Variants in ST13 observed in about 807,000 individuals in gnomAD.
ST13 encodes the protein hsc70-interacting protein.
A neutral mutation model predicts 56.7 loss-of-function variants in ST13; 23 were observed. The ratio of observed to expected loss-of-function variants is 0.41; its 90% CI spans 0.29 to 0.57. ST13 has a LOEUF of 0.57. Among genes scored for constraint, ST13 ranks in the 20% least tolerant of loss-of-function variants. The probability of loss-of-function intolerance (pLI) is 0.36; values close to 1 mark genes in which losing one functional copy is unlikely to be tolerated. For missense variants in ST13, 369 were observed against 459.9 expected (o/e 0.80, Z 1.81); for synonymous variants, 132 against 142.4 (o/e 0.93, Z 0.52).
At chr22:40,851,453 A>G (rs1212060032) in intron 1 of ST13, among the ~76,000 whole-genome samples, 1 of 152,096 alleles carries the variant, frequency 6.6e-6, no homozygotes, top group Non-Finnish European at 1.5e-5. Context: ...CTTCCTCCTG[A>G]CCCTACAAAC....
In ST13 at chr22:40,825,635, G is replaced by A. The variant is rs1177024260; in HGVS notation, c.*903C>T. The A allele has an allele frequency of 6.6e-6, 1 of 152,086 alleles. No individual in the cohort carries two copies. The highest frequency in any genetic ancestry group is 1.5e-5 in the Non-Finnish European group (1 of 68,032). The allele number at this position is 152,086 out of a possible 1,614,324, so 9.4% of individuals were successfully genotyped here. A position where few individuals can be genotyped will look rare whatever the true frequency, so the allele number is the denominator to read the frequency against. On this transcript the variant is annotated 3_prime_UTR_variant, in exon 12 of 12. Transcript: ENST00000216218. ...AATTACGCTGTTAATGATGATAGCA[G>A]TGATGATGCCGGTGGAAAAAGCCTG...
Position 40,856,591 on chromosome 22 carries a change from CCAGGCG to C in ST13, c.-57_-52del. 1 of 1,515,044 alleles carries C rather than the reference CCAGGCG, an allele frequency of 6.6e-7. No individual in the cohort carries two copies. The highest frequency in any genetic ancestry group is 9.1e-7 in the Non-Finnish European group (1 of 1,093,290). 93.9% of individuals were successfully genotyped at this position (1,515,044 alleles called of 1,614,324 possible). The stretch of plus-strand genomic sequence containing the variant: ...GGGGGGCTACGGCCCGGTTCCAGGC[CCAGGCG>C]CTGGCTCGGCGTGACCGCGCAGAAG... On this transcript the variant is annotated 5_prime_UTR_variant, in exon 1 of 12. Transcript: ENST00000216218.
chr22:40,844,972 A>T, intron 3 of ST13, 63 bp from the exon 4 acceptor site: 1 of 1,187,696 alleles, frequency 8.4e-7, no homozygotes, highest in South Asian at 1.4e-5. Context: ...CACTCCCAAG[A>T]TTATTAAAAA....
intron 3 of ST13, 77 bp downstream of exon 3, chr22:40,848,217 T>C: frequency 1.9e-6 from 2 of 1,033,990 alleles, no homozygotes; most frequent in South Asian, 1.3e-5. Flanking sequence ...ACAGTGCTGA[T>C]TTAAGTCACT....
chr22:40,833,509 G>GAGC (rs1468266844), intron 7 of ST13, among the ~76,000 whole-genome samples: 2 of 147,012 alleles, frequency 1.4e-5, no homozygotes, highest in African/African-American at 2.5e-5. Flanking sequence ...AGCTTGCAGT[G>GAGC]AGCCAAGATC....
intron 7 of ST13, among the ~76,000 whole-genome samples, chr22:40,834,913 A>ACATATC (rs1371236287): frequency 1.3e-5 from 2 of 152,216 alleles, no homozygotes; most frequent in Non-Finnish European, 2.9e-5. Flanking sequence ...TGTCCTAAAA[A>ACATATC]CATATCCATC....
At chr22:40,837,348 G>A (rs1304267862) in intron 5 of ST13, among the ~76,000 whole-genome samples, 1 of 152,122 alleles carries the variant, frequency 6.6e-6, no homozygotes, top group Non-Finnish European at 1.5e-5. Context: ...GGGCACAGTG[G>A]CTCACGCCTG....
intron 5 of ST13, among the ~76,000 whole-genome samples, chr22:40,836,581 T>A (rs894353086): frequency 1.3e-5 from 2 of 152,182 alleles, no homozygotes; most frequent in African/African-American, 4.8e-5. Context: ...AAAGGAAAAG[T>A]AACCCATGTT....
intron 9 of ST13, among the ~76,000 whole-genome samples, 185 bp from the exon 10 acceptor site, chr22:40,829,859 T>C (rs542253532): frequency 2.8e-4 from 43 of 152,308 alleles, no homozygotes; most frequent in Middle Eastern, 3.4e-3. Flanking sequence ...TGGGCATTAT[T>C]CTTGGTAGTA....
intron 10 of ST13, 101 bp downstream of exon 10, chr22:40,829,525 A>G (rs1400090472): frequency 1.9e-5 from 10 of 534,688 alleles, no homozygotes; most frequent in Non-Finnish European, 2.9e-5. Flanking sequence ...ACTGTATAAG[A>G]GAACAAAATC....
At chr22:40,854,274 A>C (rs1324617954) in intron 1 of ST13, among the ~76,000 whole-genome samples, 1 of 152,210 alleles carries the variant, frequency 6.6e-6, no homozygotes, top group African/African-American at 2.4e-5. Flanking sequence ...ACAAACGCAA[A>C]GGCCTCAGAG....
At chr22:40,847,320 G>A (rs1453663543) in intron 3 of ST13, among the ~76,000 whole-genome samples, 1 of 151,206 alleles carries the variant, frequency 6.6e-6, no homozygotes. Context: ...GATCACCTGA[G>A]ATCAGGAGTT....
At chr22:40,827,915 A>G (rs973822580) in intron 10 of ST13, among the ~76,000 whole-genome samples, 1 of 152,188 alleles carries the variant, frequency 6.6e-6, no homozygotes, top group Non-Finnish European at 1.5e-5. Flanking sequence ...CTTAGATTAT[A>G]AAGCTAGTCA....
chr22:40,833,296 G>A (rs890081332), intron 7 of ST13, among the ~76,000 whole-genome samples: 6 of 152,166 alleles, frequency 3.9e-5, no homozygotes, highest in Admixed American at 3.3e-4. Context: ...GTGGCTGGGC[G>A]CGGTGGCTCA....
At position 40,827,137 on chromosome 22, in the gene ST13, T is replaced by A. The variant is rs1204920604; in HGVS notation, c.940A>T (p.Asn314Tyr). 3 of 1,612,310 alleles carry A rather than the reference T, an allele frequency of 1.9e-6. No individual in the cohort carries two copies. ...ACCTCTGGATCACTAAGAATTTCAT[T>A]GAGTCCAGGCATTCCAGCCATTCCA... The part of the protein sequence containing the change: ...MPGMAGMPGL[N>Y]EILSDPEVLA... The change falls in exon 11 of 12, where the codon AAT (asparagine) becomes TAT (tyrosine). Residue 314 changes from asparagine (N) to tyrosine (Y), a missense_variant. By Grantham distance (143) the Asn-to-Tyr change is moderately radical (BLOSUM62 -2). This residue lies in a region of ST13 where 136 missense variants were observed against 159.2 expected (regional missense o/e 0.85). Coordinates refer to ENST00000216218, the MANE Select transcript of ST13 (RefSeq NM_003932.5).
chr22:40,827,390 T>G (rs2057733811), intron 10 of ST13, among the ~76,000 whole-genome samples, 161 bp from the exon 11 acceptor site: 2 of 152,264 alleles, frequency 1.3e-5, no homozygotes. Flanking sequence ...ACATAAGTTA[T>G]AGCTTCTAAT....
chr22:40,833,147 G>GA (rs2145734823), intron 7 of ST13, among the ~76,000 whole-genome samples: 2 of 152,304 alleles, frequency 1.3e-5, no homozygotes, highest in South Asian at 4.1e-4. Context: ...AACGAAAACT[G>GA]AGAATTCACT....
At chr22:40,856,400 GC>G (rs1405551903) in intron 1 of ST13, 30 bp downstream of exon 1, 3 of 1,579,902 alleles carry the variant, frequency 1.9e-6, no homozygotes, top group African/African-American at 2.7e-5. Context: ...TGCTTCCCCC[GC>G]CCCCAACGGT....
At chr22:40,847,292 T>TTG (rs2057836836) in intron 3 of ST13, among the ~76,000 whole-genome samples, 1 of 151,956 alleles carries the variant, frequency 6.6e-6, no homozygotes, top group Non-Finnish European at 1.5e-5. Flanking sequence ...CCAAACACTT[T>TTG]GGAGGCCAAG....
Sources: gnomAD v4.1 joint callset for allele counts (sites outside exome capture counted in the v4.1 genomes callset) on GRCh38, gnomAD v4.1.1 for gene constraint, gnomAD v4.1.1 regional missense constraint, MANE v1.5 for transcripts, NCBI Gene and HGNC (gene_info 2026-07-23, HGNC 2026-07-21) for gene names.